Variants in MAGI2 observed in about 807,000 individuals in gnomAD.
MAGI2 encodes the protein membrane-associated guanylate kinase, WW and PDZ domain-containing protein 2.
In MAGI2, 35 loss-of-function variants were observed where a neutral mutation model predicts 133.3. The observed-to-expected ratio is 0.26, with a 90% CI of 0.20 to 0.35. The LOEUF (loss-of-function observed/expected upper bound fraction) is 0.35. Among genes scored for constraint, MAGI2 ranks in the 10% least tolerant of loss-of-function variants. The pLI, the probability that MAGI2 is intolerant of heterozygous loss-of-function variation, is 1.00. For synonymous variants in MAGI2, 729 were observed against 710.6 expected (o/e 1.03, Z -0.41); for missense variants, 1,636 against 1,863.4 (o/e 0.88, Z 2.25).
intron 1 of MAGI2, among the ~76,000 whole-genome samples, chr7:79,347,721 T>C (rs890177224): frequency 1.3e-5 from 2 of 151,948 alleles, no homozygotes; most frequent in African/African-American, 4.8e-5. Flanking sequence ...TGTTTGTCTT[T>C]TTGGTAGACT....
intron 2 of MAGI2, among the ~76,000 whole-genome samples, chr7:78,880,103 A>G (rs531958051): frequency 6.6e-6 from 1 of 150,934 alleles, no homozygotes; most frequent in Non-Finnish European, 1.5e-5. Flanking sequence ...AATTACTGGC[A>G]TTCCTGAAAG....
chr7:78,961,628 G>A (rs1248986425), intron 2 of MAGI2, among the ~76,000 whole-genome samples: 1 of 152,044 alleles, frequency 6.6e-6, no homozygotes, highest in Non-Finnish European at 1.5e-5. Flanking sequence ...AATGCCAGCT[G>A]AATTTTTTTC....
At chr7:78,253,113 G>A (rs1049438601) in intron 10 of MAGI2, 6 of 152,086 alleles carry the variant, frequency 3.9e-5, no homozygotes, top group Admixed American at 2.6e-4. Context: ...ACAAACATGT[G>A]TATCCAAATG....
At chr7:79,094,113 C>A (rs1817320361) in intron 1 of MAGI2, among the ~76,000 whole-genome samples, 1 of 152,228 alleles carries the variant, frequency 6.6e-6, no homozygotes, top group Non-Finnish European at 1.5e-5. Context: ...ATAGTTCCCA[C>A]AGAACTTCTT....
intron 2 of MAGI2, among the ~76,000 whole-genome samples, chr7:78,715,293 C>T (rs1020354840): frequency 5.3e-5 from 8 of 152,088 alleles, no homozygotes; most frequent in South Asian, 2.1e-4. Context: ...ACTCCTGAAC[C>T]GGTTTCAGAA....
In MAGI2 at chr7:78,495,202, TG is replaced by T. The variant is rs1483404586; in HGVS notation, c.966-5363del. ...TAGGTATACACATGCCATGGTGGTT[TG>T]CTGCACCCACCAACCTGTCATCCAC... On this transcript the variant is annotated intron_variant, in intron 5 of 21. Transcript: ENST00000354212. Among the ~76,000 whole-genome samples, 6 of 152,146 alleles carry T rather than the reference TG, an allele frequency of 3.9e-5. No individual in the cohort carries two copies. The East Asian group carries it at 1.2e-3, about 29-fold the overall frequency.
chr7:78,266,805 C>G (rs1289371996), intron 9 of MAGI2, among the ~76,000 whole-genome samples: 1 of 152,058 alleles, frequency 6.6e-6, no homozygotes, highest in African/African-American at 2.4e-5. Flanking sequence ...GTCTCGTGAC[C>G]TCGTGATCCG....
chr7:78,649,428 A>T (rs1219985144), intron 2 of MAGI2, among the ~76,000 whole-genome samples: 1 of 151,954 alleles, frequency 6.6e-6, no homozygotes, highest in East Asian at 1.9e-4. Flanking sequence ...GAACATCTAC[A>T]ATCATGGCGA....
chr7:78,959,845 G>A (rs1802699110), intron 2 of MAGI2, among the ~76,000 whole-genome samples: 2 of 152,168 alleles, frequency 1.3e-5, no homozygotes, highest in Admixed American at 1.3e-4. Flanking sequence ...ACGGATGTGA[G>A]CCATTCCAAG....
rs550635003 is a variant in MAGI2 at position 78,222,902 on chromosome 7, G to GA, written c.2048-21710dup. 1.6e-4 allele frequency among the ~76,000 whole-genome samples: 25 copies of GA among 151,774 alleles called. 1 individual carries two copies. The East Asian group carries it at 4.8e-3, about 29-fold the overall frequency. The stretch of plus-strand genomic sequence containing the variant: ...ATTAACACTGAGTGAAAAGTGTAAT[G>GA]AAAAGCAAAAATCAAATCAAACCAC... On this transcript the variant is annotated intron_variant, in intron 10 of 21. Coordinates refer to ENST00000354212, the MANE Select transcript of MAGI2 (RefSeq NM_012301.4).
chr7:78,867,969 G>A (rs1794720200), intron 2 of MAGI2, among the ~76,000 whole-genome samples: 1 of 151,686 alleles, frequency 6.6e-6, no homozygotes, highest in Admixed American at 6.6e-5. Context: ...GGGGACCAAC[G>A]AAGAGTGAAA....
At chr7:79,016,510 T>C (rs1808749577) in intron 1 of MAGI2, among the ~76,000 whole-genome samples, 2 of 152,090 alleles carry the variant, frequency 1.3e-5, no homozygotes, top group South Asian at 2.1e-4. Flanking sequence ...CATGCACCTG[T>C]CCACCTATGC....
chr7:79,248,843 C>CACTTT (rs112253160), intron 1 of MAGI2, among the ~76,000 whole-genome samples: 4 of 149,676 alleles, frequency 2.7e-5, no homozygotes, highest in African/African-American at 4.9e-5. Flanking sequence ...ATATTAAAAC[C>CACTTT]ATTTTATTTT....
chr7:78,569,786 T>C (rs1003871670), intron 3 of MAGI2, among the ~76,000 whole-genome samples: 4 of 152,242 alleles, frequency 2.6e-5, no homozygotes, highest in African/African-American at 9.6e-5. Context: ...AGTCTCCTCC[T>C]GATCTAGTCA....
intron 3 of MAGI2, among the ~76,000 whole-genome samples, chr7:78,542,019 A>G (rs537323888): frequency 1.3e-5 from 2 of 152,212 alleles, no homozygotes; most frequent in Non-Finnish European, 2.9e-5. Context: ...TTGCTACTCA[A>G]TTCTGCTGTT....
At chr7:78,067,041 G>A (rs1010299966) in intron 21 of MAGI2, among the ~76,000 whole-genome samples, 5 of 152,242 alleles carry the variant, frequency 3.3e-5, no homozygotes, top group Non-Finnish European at 5.9e-5. Context: ...GAAAGGGAGA[G>A]TGCAGGCGGA....
chr7:78,966,118 C>T (rs932706528), intron 2 of MAGI2, among the ~76,000 whole-genome samples: 3 of 152,006 alleles, frequency 2.0e-5, no homozygotes, highest in African/African-American at 7.2e-5. Context: ...CTACAATGTG[C>T]TTAGGAGAGA....
chr7:78,201,716 T>A (rs971422125), intron 10 of MAGI2, among the ~76,000 whole-genome samples: 2 of 152,194 alleles, frequency 1.3e-5, no homozygotes, highest in Non-Finnish European at 2.9e-5. Flanking sequence ...TTTTTGTGAG[T>A]GTTTCTCCAC....
chr7:78,429,323 A>C (rs1283953119), intron 6 of MAGI2, among the ~76,000 whole-genome samples: 1 of 151,802 alleles, frequency 6.6e-6, no homozygotes, highest in African/African-American at 2.4e-5. Flanking sequence ...TCCTTTTCTG[A>C]TATACACCTT....
Sources: gnomAD v4.1 joint callset for allele counts (sites outside exome capture counted in the v4.1 genomes callset) on GRCh38, gnomAD v4.1.1 for gene constraint, MANE v1.5 for transcripts, NCBI Gene and HGNC (gene_info 2026-07-23, HGNC 2026-07-21) for gene names.